PARVG: variants seen among roughly 807,000 people sequenced by gnomAD.
PARVG encodes gamma-parvin.
A neutral mutation model predicts 44.4 loss-of-function variants in PARVG; 36 were observed. The observed-to-expected ratio is 0.81, with a 90% CI of 0.62 to 1.07. The LOEUF is 1.07. PARVG is among the 50% of genes least tolerant of loss of function. PARVG has a pLI of 0.00. For synonymous variants in PARVG, 170 were observed against 174.1 expected (o/e 0.98, Z 0.19); for missense variants, 407 against 407.4 (o/e 1.00, Z 0.01).
Position 44,173,096 on chromosome 22 carries a change from G to A in PARVG, c.-284G>A, listed in dbSNP as rs772085472. 14 of 1,289,600 alleles carry A rather than the reference G, an allele frequency of 1.1e-5. 1 individual carries two copies. The South Asian group carries it at 1.7e-4, about 16-fold the overall frequency. The allele number at this position is 1,289,600 out of a possible 1,614,324, so 79.9% of individuals were successfully genotyped here. ...CAATTGGACAGGAGCTGGGGGAAGA[G>A]CTGGTTCACAGCCCTTTGTGGGGGA... On this transcript the variant is annotated 5_prime_UTR_variant, in exon 1 of 14. Coordinates refer to the PARVG transcript ENST00000422871.
At chr22:44,173,115 TG>T (rs2054285362) in exon 1 of PARVG, 4 of 1,289,362 alleles carry the variant, frequency 3.1e-6, no homozygotes, top group South Asian at 2.5e-5. Flanking sequence ...CAGCCCTTTG[TG>T]GGGGATGGGA....
At chr22:44,196,130 G>A in intron 9 of PARVG, 25 bp from the exon 10 acceptor site, 3 of 1,613,768 alleles carry the variant, frequency 1.9e-6, no homozygotes, top group Non-Finnish European at 2.5e-6. Context: ...TCGTAATGAG[G>A]TGTTTATTGG....
intron 12 of PARVG, among the ~76,000 whole-genome samples, chr22:44,198,929 T>C (rs1214780340): frequency 3.3e-4 from 14 of 42,366 alleles, no homozygotes; most frequent in Non-Finnish European, 4.6e-4. Context: ...CATCTACCCA[T>C]CCATCCATCC....
chr22:44,181,361 G>C (rs191138773), intron 1 of PARVG, 176 bp downstream of exon 1: 18 of 985,404 alleles, frequency 1.8e-5, no homozygotes, highest in African/African-American at 1.7e-4. Context: ...GTCTGCAGCC[G>C]AGAGTCCAGG....
chr22:44,206,159 C>T (rs531136637), intron 13 of PARVG, among the ~76,000 whole-genome samples, 158 bp from the exon 14 acceptor site: 13 of 152,152 alleles, frequency 8.5e-5, no homozygotes, highest in South Asian at 4.2e-4. Context: ...GCAGCAGGCG[C>T]GGGACCCAGG....
chr22:44,193,070 T>C (rs2054571275), intron 8 of PARVG, among the ~76,000 whole-genome samples: 1 of 152,248 alleles, frequency 6.6e-6, no homozygotes, highest in South Asian at 2.1e-4. Flanking sequence ...CCTTGGCCTC[T>C]GTGCTGAGCC....
chr22:44,192,161 G>A, intron 8 of PARVG, 57 bp downstream of exon 8: 1 of 1,572,088 alleles, frequency 6.4e-7, no homozygotes. Context: ...GTGGATGGGG[G>A]CAGGGTGGGG....
rs773653082 is a variant in PARVG at position 44,190,680 on chromosome 22, C to T, written c.504+14C>T. On this transcript the variant is annotated intron_variant, in intron 7 of 13. Coordinates refer to ENST00000444313, the MANE Select transcript of PARVG (RefSeq NM_022141.7). ...ATCACTATCGAGGTAGCAGCCTGGG[C>T]CCCAGGGATTTGTAAGCAGAAGCTG... is the stretch of plus-strand genomic sequence containing the variant. 1 of 1,590,540 alleles carries T rather than the reference C, an allele frequency of 6.3e-7. No homozygotes were observed. Among genetic ancestry groups the T allele is most frequent in the East Asian group, 2.2e-5 (1 of 44,788 alleles).
At chr22:44,172,953 C>T (rs545163054), upstream of PARVG, 28 of 1,279,828 alleles carry the variant, frequency 2.2e-5, no homozygotes, top group Non-Finnish European at 2.7e-5. Flanking sequence ...GCCTGTCCAC[C>T]GTCTTTGTTT....
upstream of PARVG, among the ~76,000 whole-genome samples, chr22:44,179,579 C>G (rs908312878): frequency 1.3e-5 from 2 of 152,198 alleles, no homozygotes; most frequent in African/African-American, 4.8e-5. The surrounding 1 kb of genome is among the most constrained non-coding windows in gnomAD (Gnocchi z 4.2). Flanking sequence ...GTACTTCGTT[C>G]TGAGTGATGA....
rs2054798382 is a variant in PARVG at position 44,207,583 on chromosome 22, G to T, written c.*1157G>T. 2.0e-5 allele frequency: 3 copies of T among 152,104 alleles called. No individual in the cohort carries two copies. Among genetic ancestry groups the T allele is most frequent in the Admixed American group, 1.3e-4 (2 of 15,272 alleles). The allele number at this position is 152,104 out of a possible 1,614,324, so 9.4% of individuals were successfully genotyped here. A position where few individuals can be genotyped will look rare whatever the true frequency, so the allele number is the denominator to read the frequency against. ...CCCTGAAGAGGCCTCTGGGTCTGGG[G>T]TTTTCACAGTTTGACAGCTGAGGCC... On this transcript the variant is annotated 3_prime_UTR_variant, in exon 14 of 14. Coordinates refer to ENST00000444313, the MANE Select transcript of PARVG (RefSeq NM_022141.7).
intron 10 of PARVG, 24 bp downstream of exon 10, chr22:44,196,237 C>A: frequency 5.0e-6 from 8 of 1,614,148 alleles, no homozygotes; most frequent in Non-Finnish European, 6.8e-6. Flanking sequence ...AAGCTCTCAG[C>A]GGCTCTCAGG....
At chr22:44,192,769 T>C (rs2054567617) in intron 8 of PARVG, among the ~76,000 whole-genome samples, 1 of 151,258 alleles carries the variant, frequency 6.6e-6, no homozygotes, top group Non-Finnish European at 1.5e-5. Flanking sequence ...CCACTGGGGC[T>C]GGCCATACTG....
At position 44,193,738 on chromosome 22, in the gene PARVG, A is replaced by C. The variant is rs907633790; in HGVS notation, c.561-63A>C. On this transcript the variant is annotated intron_variant, in intron 8 of 13. Transcript: ENST00000444313. ...GCACTGAGGCTTGTCATATTGAGAA[A>C]TTGTAGGTTTGCGGGGTGTTTTTTT... is the stretch of plus-strand genomic sequence containing the variant. The C allele has an allele frequency of 3.1e-6, 5 of 1,594,832 alleles. No homozygotes were observed. In the Admixed American group the frequency reaches 8.6e-5, roughly 28 times the overall value.
chr22:44,200,852 C>T (rs1276811735), intron 12 of PARVG, among the ~76,000 whole-genome samples: 1 of 152,086 alleles, frequency 6.6e-6, no homozygotes, highest in African/African-American at 2.4e-5. Flanking sequence ...CAGACTCCCC[C>T]TCCACCTAGG....
chr22:44,180,529 G>T (rs1402363708), upstream of PARVG, among the ~76,000 whole-genome samples: 1 of 152,118 alleles, frequency 6.6e-6, no homozygotes, highest in Non-Finnish European at 1.5e-5. Context: ...CCTGCACGGT[G>T]GCTTCTCTCC....
At chr22:44,192,277 C>T (rs2054558647) in intron 8 of PARVG, 173 bp downstream of exon 8, 1 of 698,958 alleles carries the variant, frequency 1.4e-6, no homozygotes, top group Admixed American at 2.8e-5. Flanking sequence ...CGGCAGCACA[C>T]AGGACCCCTT....
chr22:44,196,872 G>A lies in PARVG; in HGVS notation c.711+457G>A, dbSNP rs538158758. Among the ~76,000 whole-genome samples the A allele has an allele frequency of 1.1e-4, 17 of 152,096 alleles. 1 individual carries two copies. The highest frequency in any genetic ancestry group is 4.6e-4 in the Admixed American group (7 of 15,272). On this transcript the variant is annotated intron_variant, in intron 11 of 13. Coordinates refer to ENST00000444313, the MANE Select transcript of PARVG (RefSeq NM_022141.7). ...CCCTGAGGAGCCCAGCCCCTCCCCC[G>A]GCTGACTTAAGTCGAATTTTCCCAG...
chr22:44,177,866 A>T (rs911065698), upstream of PARVG, among the ~76,000 whole-genome samples: 3 of 152,122 alleles, frequency 2.0e-5, no homozygotes, highest in Admixed American at 6.5e-5. Flanking sequence ...TTCTATTTTT[A>T]AAAAATATAT....
Sources: gnomAD v4.1 joint callset for allele counts (sites outside exome capture counted in the v4.1 genomes callset) on GRCh38, gnomAD v4.1.1 for gene constraint, Gnocchi (gnomAD v3.1) non-coding constraint, MANE v1.5 for transcripts, NCBI Gene and HGNC (gene_info 2026-07-23, HGNC 2026-07-21) for gene names.